Variants in COL26A1 observed in about 807,000 individuals in gnomAD.
COL26A1 encodes collagen type XXVI alpha 1 chain, also known as collagen alpha-1(XXVI) chain.
Under a neutral mutation model 59.3 loss-of-function variants are expected in COL26A1, and 41 were observed. That is an observed-to-expected ratio of 0.69 (90% CI 0.54 to 0.90). The LOEUF (loss-of-function observed/expected upper bound fraction) is 0.90. COL26A1 is among the 40% of genes least tolerant of loss of function. COL26A1 has a pLI of 0.00. For synonymous variants in COL26A1, 266 were observed against 256.0 expected (o/e 1.04, Z -0.37); for missense variants, 612 against 602.3 (o/e 1.02, Z -0.17).
intron 2 of COL26A1, among the ~76,000 whole-genome samples, chr7:101,438,300 G>A (rs1252178280): frequency 6.6e-6 from 1 of 151,642 alleles, no homozygotes; most frequent in African/African-American, 2.4e-5. Flanking sequence ...GGTGGAGGCT[G>A]CAGTGAGCCG....
intron 11 of COL26A1, among the ~76,000 whole-genome samples, chr7:101,555,536 G>C (rs1213041235): frequency 6.6e-6 from 1 of 152,156 alleles, no homozygotes; most frequent in African/African-American, 2.4e-5. Context: ...CGCTTTGCCA[G>C]GCTGTGTGGC....
At position 101,500,796 on chromosome 7, in the gene COL26A1, C is replaced by T. The variant is rs958785070; in HGVS notation, c.386-32286C>T. On this transcript the variant is annotated intron_variant, in intron 3 of 12. Coordinates refer to ENST00000313669, the MANE Select transcript of COL26A1 (RefSeq NM_001278563.3). ...AGATCGCGCCATTGCACCCCAGCCT[C>T]GGCAACAGAGCGAGACGCTGTCTCA... Among the ~76,000 whole-genome samples, 2 of 150,602 alleles carry T rather than the reference C, an allele frequency of 1.3e-5. 1 individual carries two copies. The highest frequency in any genetic ancestry group is 3.0e-5 in the Non-Finnish European group (2 of 67,638).
chr7:101,452,338 C>T (rs1311831076), intron 3 of COL26A1, among the ~76,000 whole-genome samples: 1 of 152,082 alleles, frequency 6.6e-6, no homozygotes, highest in Non-Finnish European at 1.5e-5. Context: ...GGCTGTGGAC[C>T]CACCTTTCTC....
intron 1 of COL26A1, among the ~76,000 whole-genome samples, chr7:101,406,601 A>G (rs10251081): frequency 0.1 from 15,196 of 152,102 alleles, 1,176 homozygotes; most frequent in African/African-American, 0.22. Flanking sequence ...CTGCCTCTCC[A>G]TCCTGCCCCA....
chr7:101,537,807 A>G lies in COL26A1; in HGVS notation c.448-2086A>G, dbSNP rs188433420. Reference sequence around the variant, plus strand: ...GCTTCACCCTGCTCCCTCCTCCTCCACCCTAGCCTCCCCACACCATCCCTG... The same window carrying G: ...GCTTCACCCTGCTCCCTCCTCCTCCGCCCTAGCCTCCCCACACCATCCCTG... On this transcript the variant is annotated intron_variant, in intron 4 of 12. Coordinates refer to ENST00000313669, the MANE Select transcript of COL26A1 (RefSeq NM_001278563.3). 9.4e-3 allele frequency among the ~76,000 whole-genome samples: 1,416 copies of G among 151,246 alleles called. 26 individuals are homozygous for G. Among genetic ancestry groups the G allele is most frequent in the African/African-American group, 0.033 (1,360 of 41,154 alleles).
chr7:101,460,535 C>T (rs1331253994), intron 3 of COL26A1, among the ~76,000 whole-genome samples: 1 of 152,088 alleles, frequency 6.6e-6, no homozygotes, highest in African/African-American at 2.4e-5. Context: ...GTAATCCCAG[C>T]ACTTAGGGAG....
intron 3 of COL26A1, among the ~76,000 whole-genome samples, chr7:101,452,481 T>C (rs1793366645): frequency 6.6e-6 from 1 of 152,190 alleles, no homozygotes; most frequent in African/African-American, 2.4e-5. Flanking sequence ...ATATGATCAA[T>C]ATACAGTCAT....
At chr7:101,428,431 C>T (rs1233264220) in intron 2 of COL26A1, among the ~76,000 whole-genome samples, 1 of 151,016 alleles carries the variant, frequency 6.6e-6, no homozygotes, top group Non-Finnish European at 1.5e-5. Flanking sequence ...ATGCATGCAT[C>T]GTAAATGATG....
chr7:101,412,155 T>C (rs552285547), intron 1 of COL26A1, among the ~76,000 whole-genome samples: 1 of 152,010 alleles, frequency 6.6e-6, no homozygotes, highest in Non-Finnish European at 1.5e-5. Context: ...CAGACCAAAT[T>C]GAGGACTAGC....
At chr7:101,535,030 G>T (rs1795452669) in intron 4 of COL26A1, among the ~76,000 whole-genome samples, 1 of 152,226 alleles carries the variant, frequency 6.6e-6, no homozygotes, top group South Asian at 2.1e-4. Flanking sequence ...AGACATCTGT[G>T]CAGAGCAATG....
intron 2 of COL26A1, among the ~76,000 whole-genome samples, chr7:101,437,841 C>T (rs568916746): frequency 6.6e-6 from 1 of 151,526 alleles, no homozygotes; most frequent in East Asian, 2.0e-4. Flanking sequence ...CTCCCAAGTA[C>T]GTGGGGACTA....
intron 1 of COL26A1, among the ~76,000 whole-genome samples, chr7:101,393,978 A>G (rs556733556): frequency 2.0e-5 from 3 of 151,524 alleles, no homozygotes; most frequent in African/African-American, 2.4e-5. Context: ...GGATCTTGCT[A>G]TGTTGCCCAG....
At chr7:101,393,551 GACA>G (rs1352144402) in intron 1 of COL26A1, among the ~76,000 whole-genome samples, 1 of 152,100 alleles carries the variant, frequency 6.6e-6, no homozygotes, top group Non-Finnish European at 1.5e-5. Flanking sequence ...GACTCAAACT[GACA>G]ACATCTTCAC....
At chr7:101,410,685 T>C (rs1792223118) in intron 1 of COL26A1, among the ~76,000 whole-genome samples, 1 of 90,556 alleles carries the variant, frequency 1.1e-5, no homozygotes. Context: ...CGGCTAATTT[T>C]GGTGTGTGTG....
chr7:101,488,348 TAA>T (rs1491576627), intron 3 of COL26A1, among the ~76,000 whole-genome samples: 32 of 46,640 alleles, frequency 6.9e-4, no homozygotes, highest in Admixed American at 1.5e-3. Context: ...TAATTTTATT[TAA>T]TATATATATA....
intron 2 of COL26A1, among the ~76,000 whole-genome samples, chr7:101,420,987 C>T (rs989435694): frequency 3.3e-5 from 5 of 152,128 alleles, no homozygotes; most frequent in South Asian, 2.1e-4. Flanking sequence ...CAGCCTGGGG[C>T]CTCTACCCCA....
chr7:101,445,909 G>C (rs181084589), intron 2 of COL26A1, among the ~76,000 whole-genome samples: 1 of 151,194 alleles, frequency 6.6e-6, no homozygotes, highest in East Asian at 2.0e-4. Flanking sequence ...TTAGCTGAGA[G>C]TGGTGGCATG....
intron 1 of COL26A1, among the ~76,000 whole-genome samples, chr7:101,414,231 G>T (rs1792315620): frequency 6.6e-6 from 1 of 152,016 alleles, no homozygotes; most frequent in Non-Finnish European, 1.5e-5. Context: ...GTGATTTGAG[G>T]TATTTGGAAA....
rs1163342427 is a variant in COL26A1, at chr7:101,555,878, A to G, written c.1165+7A>G. 1.9e-6 allele frequency: 3 copies of G among 1,602,002 alleles called. No homozygotes were observed. The highest frequency in any genetic ancestry group is 2.6e-6 in the Non-Finnish European group (3 of 1,174,340). Reference sequence around the variant, plus strand: ...CACATGATTGGGATCCACGGTGAGCAGTGACCAGGATCAGCGGGCTGGGAA... The same window carrying G: ...CACATGATTGGGATCCACGGTGAGCGGTGACCAGGATCAGCGGGCTGGGAA... On this transcript the variant is annotated splice_region_variant and intron_variant, in intron 12 of 12. Coordinates refer to ENST00000313669, the MANE Select transcript of COL26A1 (RefSeq NM_001278563.3).
Sources: gnomAD v4.1 joint callset for allele counts (sites outside exome capture counted in the v4.1 genomes callset) on GRCh38, gnomAD v4.1.1 for gene constraint, MANE v1.5 for transcripts, NCBI Gene and HGNC (gene_info 2026-07-23, HGNC 2026-07-21) for gene names.